TOMM20L: variants seen among roughly 807,000 people sequenced by gnomAD.
The protein encoded by TOMM20L is translocase of outer mitochondrial membrane 20 like, also known as TOMM20-like protein 1.
Under a neutral mutation model 20.4 loss-of-function variants are expected in TOMM20L, and 19 were observed. The ratio of observed to expected loss-of-function variants is 0.93; its 90% confidence interval spans 0.65 to 1.36. The LOEUF is 1.36. Among genes scored for constraint, TOMM20L ranks in the 40% most tolerant of loss-of-function variants. TOMM20L has a pLI of 0.00. For synonymous variants in TOMM20L, 75 were observed against 79.6 expected, an observed-to-expected ratio of 0.94 and a Z score of 0.30; for missense variants, 218 against 203.7, an observed-to-expected ratio of 1.07 and a Z score of -0.43.
chr14:58,405,062 A>G (rs747644375), intron 3 of TOMM20L, among the ~76,000 whole-genome samples: 1 of 150,286 alleles, frequency 6.7e-6, no homozygotes, highest in Admixed American at 6.7e-5. Flanking sequence ...TCTGCCTTCC[A>G]GGTTCAAGCG....
rs549526864 is a variant in TOMM20L at position 58,408,549 on chromosome 14, T to A, written c.426T>A (p.Asn142Lys). 1.1e-5 allele frequency: 18 copies of A among 1,613,876 alleles called. No homozygotes were observed. In the Admixed American group the frequency reaches 1.2e-4, roughly 10 times the overall value. The change falls in exon 5 of 5, where the codon AAT becomes AAA. Residue 142 changes from asparagine (N) to lysine (K), a missense_variant. By Grantham distance (94) the Asn-to-Lys change is moderately conservative. Transcript: ENST00000360945. ...LICQQFEADM[N>K]EQDCLEDDPD ...ACCAGCAATTTGAGGCAGACATGAA[T>A]GAACAGGACTGCTTGGAGGATGATC...
In TOMM20L at chr14:58,396,343, T is replaced by G; in HGVS notation, c.180+2T>G. The G allele has an allele frequency of 6.2e-7, 1 of 1,613,178 alleles. No individual in the cohort carries two copies. On this transcript the variant is annotated splice_donor_variant, in intron 2 of 4. Coordinates refer to ENST00000360945, the MANE Select transcript of TOMM20L (RefSeq NM_207377.3). LOFTEE classifies it high-confidence loss of function. The stretch of plus-strand genomic sequence containing the variant: ...AAGGCTGAGGAGCAGGGCACGCAGG[T>G]GCAGTGCTTTCGATCCGCACAGGTA...
intron 3 of TOMM20L, among the ~76,000 whole-genome samples, chr14:58,403,938 ATAT>A (rs2140303343): frequency 6.7e-6 from 1 of 149,214 alleles, no homozygotes; most frequent in East Asian, 2.0e-4. Context: ...ATGGTAGATA[ATAT>A]TATTATTGTA....
rs114608032 is a variant in TOMM20L, at chr14:58,400,566, A to G, written c.181-2114A>G. Among the ~76,000 whole-genome samples, 1,495 of 152,184 alleles carry G rather than the reference A, an allele frequency of 9.8e-3. 27 individuals carry two copies. The highest frequency in any genetic ancestry group is 0.035 in the African/African-American group (1,443 of 41,520). On this transcript the variant is annotated intron_variant, in intron 2 of 4. Transcript: ENST00000360945. ...CCTAGTTTATAGCTGGCCTTCAATAATGGTAATATTGTTGCTACATTTACC... is the reference window on the plus strand; with the variant it reads ...CCTAGTTTATAGCTGGCCTTCAATAGTGGTAATATTGTTGCTACATTTACC...
At chr14:58,414,008 GA>G in the TOMM20L span, among the ~76,000 whole-genome samples, 203 of 24,078 alleles carry the variant, frequency 8.4e-3, no homozygotes, top group African/African-American at 0.039. Context: ...TTCCGTCTCA[GA>G]AAAAAAAAAA....
chr14:58,407,089 C>A (rs1724453170), intron 3 of TOMM20L, among the ~76,000 whole-genome samples: 1 of 152,182 alleles, frequency 6.6e-6, no homozygotes, highest in Admixed American at 6.5e-5. Context: ...CAAGAGTATA[C>A]TTCTAAACAG....
intron 3 of TOMM20L, among the ~76,000 whole-genome samples, chr14:58,404,705 T>TTTTAA (rs1378421797): frequency 6.6e-6 from 1 of 152,168 alleles, no homozygotes; most frequent in Non-Finnish European, 1.5e-5. Context: ...GTAATTTGTA[T>TTTTAA]TTTAATTTTT....
chr14:58,415,664 G>C, the TOMM20L span, among the ~76,000 whole-genome samples: 3 of 152,112 alleles, frequency 2.0e-5, no homozygotes, highest in African/African-American at 7.2e-5. Flanking sequence ...CTGAATTACA[G>C]AGAAAAACAG....
At chr14:58,407,600 G>T in intron 4 of TOMM20L, 132 bp downstream of exon 4, 1 of 1,036,252 alleles carries the variant, frequency 9.7e-7, no homozygotes, top group South Asian at 1.9e-5. Flanking sequence ...CTGAATTTTT[G>T]GCTGCTTTAA....
At chr14:58,410,785 T>A, downstream of TOMM20L, 4 of 1,167,312 alleles carry the variant, frequency 3.4e-6, no homozygotes, top group Admixed American at 2.1e-5. Flanking sequence ...CTTAAGGGGA[T>A]CCTACTTAGA....
intron 3 of TOMM20L, among the ~76,000 whole-genome samples, chr14:58,404,660 T>C (rs2036035629): frequency 6.6e-6 from 1 of 152,188 alleles, no homozygotes; most frequent in Non-Finnish European, 1.5e-5. Flanking sequence ...AATGAAAAAG[T>C]TGCAGGCATT....
Position 58,408,628 on chromosome 14 carries a change from C to A in TOMM20L, c.*46C>A. On this transcript the variant is annotated 3_prime_UTR_variant, in exon 5 of 5. Coordinates refer to ENST00000360945, the MANE Select transcript of TOMM20L (RefSeq NM_207377.3). The stretch of plus-strand genomic sequence containing the variant: ...CAGTCCAGTGAGAATACTATGGTAC[C>A]ATACAGTATAAACAACTGCTCAGTG... 1 of 1,559,292 alleles carries A rather than the reference C, an allele frequency of 6.4e-7. No individual in the cohort carries two copies.
At chr14:58,396,148 C>A in intron 1 of TOMM20L, 55 bp downstream of exon 1, 1 of 1,278,370 alleles carries the variant, frequency 7.8e-7, no homozygotes, top group Non-Finnish European at 9.9e-7. Context: ...GGCGGGCTGC[C>A]GGCCGGGAGG....
intron 3 of TOMM20L, among the ~76,000 whole-genome samples, chr14:58,404,894 A>G (rs1277838055): frequency 1.3e-5 from 2 of 152,198 alleles, no homozygotes; most frequent in Non-Finnish European, 2.9e-5. Flanking sequence ...TATAAACAGA[A>G]GTGACTTTAC....
intron 3 of TOMM20L, among the ~76,000 whole-genome samples, chr14:58,403,746 G>T (rs905316634): frequency 2.2e-4 from 33 of 151,902 alleles, no homozygotes; most frequent in South Asian, 4.1e-4. Flanking sequence ...GCTGAGGCAG[G>T]AGAATGGTGT....
chr14:58,405,154 C>T (rs1237829871), intron 3 of TOMM20L, among the ~76,000 whole-genome samples: 1 of 151,980 alleles, frequency 6.6e-6, no homozygotes, highest in African/African-American at 2.4e-5. Flanking sequence ...TCTTAGTAGA[C>T]ACAGGGTTTC....
downstream of TOMM20L, chr14:58,410,866 T>A (rs531795724): frequency 5.6e-6 from 9 of 1,610,182 alleles, no homozygotes; most frequent in South Asian, 8.9e-5. Flanking sequence ...ACTTCTCTTG[T>A]TGTGAAGTCT....
At chr14:58,407,615 A>G (rs1234208741) in intron 4 of TOMM20L, 147 bp downstream of exon 4, 1 of 751,832 alleles carries the variant, frequency 1.3e-6, no homozygotes, top group Non-Finnish European at 2.0e-6. Flanking sequence ...CTTTAACACG[A>G]AGCAAGCCTA....
chr14:58,416,044 C>T, the TOMM20L span, among the ~76,000 whole-genome samples: 15 of 149,050 alleles, frequency 1.0e-4, no homozygotes, highest in Non-Finnish European at 1.5e-4. Context: ...GGTGAAACCC[C>T]GTCCCTACTG....
Sources: gnomAD v4.1 joint callset for allele counts (sites outside exome capture counted in the v4.1 genomes callset) on GRCh38, gnomAD v4.1.1 for gene constraint, MANE v1.5 for transcripts, NCBI Gene and HGNC (gene_info 2026-07-23, HGNC 2026-07-21) for gene names.